The following PNPLA4 variants were observed in gnomAD, a reference collection of about 807,000 sequenced individuals.
PNPLA4 encodes patatin like domain 4, phospholipase and triacylglycerol lipase, also known as patatin-like phospholipase domain-containing protein 4.
A neutral mutation model predicts 18.3 loss-of-function variants in PNPLA4; 15 were observed. The ratio of observed to expected loss-of-function variants is 0.82; its 90% confidence interval spans 0.55 to 1.26. The LOEUF (loss-of-function observed/expected upper bound fraction) is 1.26, where lower values mean the gene tolerates loss of function less well. Among genes scored for constraint, PNPLA4 ranks in the 50% most tolerant of loss-of-function variants. The pLI, the probability that PNPLA4 is intolerant of heterozygous loss-of-function variation, is 0.00. For missense variants in PNPLA4, 229 were observed against 196.8 expected, an observed-to-expected ratio of 1.16 and a Z score of -0.98; for synonymous variants, 88 against 85.6, an observed-to-expected ratio of 1.03 and a Z score of -0.16.
intron 4 of PNPLA4, among the ~76,000 whole-genome samples, chrX:7,914,452 C>A: frequency 9.0e-6 from 1 of 111,729 alleles, no homozygotes; most frequent in East Asian, 2.8e-4. Context: ...ACTGCATTCA[C>A]CCTAACTAAA....
At chrX:7,901,689 G>A (rs1228272971) in intron 6 of PNPLA4, among the ~76,000 whole-genome samples, 2 of 111,918 alleles carry the variant, frequency 1.8e-5, no homozygotes, top group African/African-American at 3.2e-5. Flanking sequence ...ATGGGTGGGC[G>A]TGGTGCATGT....
chrX:7,910,406 C>A (rs1005737374), intron 5 of PNPLA4, among the ~76,000 whole-genome samples: 5 of 110,599 alleles, frequency 4.5e-5, no homozygotes, highest in Admixed American at 9.7e-5. Flanking sequence ...GCTGGGCCCT[C>A]AAGGTGAGTG....
At chrX:7,914,402 C>T (rs1299601583) in intron 4 of PNPLA4, among the ~76,000 whole-genome samples, 2 of 111,753 alleles carry the variant, frequency 1.8e-5, no homozygotes, top group Non-Finnish European at 3.8e-5. Context: ...GTAGCAATGA[C>T]ATCATTGGCT....
rs761768737 is a variant in PNPLA4 at position 7,912,113 on chromosome X, A to C, written c.412-20T>G. 3.5e-6 allele frequency: 4 copies of C among 1,144,575 alleles called. No homozygotes were observed. The highest frequency in any genetic ancestry group is 1.8e-5 in the South Asian group (1 of 55,330). 94.3% of individuals were successfully genotyped at this position (1,144,575 alleles called of 1,213,427 possible). On this transcript the variant is annotated intron_variant, in intron 4 of 6. Transcript: ENST00000381042. ...GAGGACCTAGATGGATAAAATAAAG[A>C]AGCAGCTCATGATTACAGGCATGAA... is the stretch of plus-strand genomic sequence containing the variant.
chrX:7,908,271 C>T lies in PNPLA4; in HGVS notation c.477+3757G>A, dbSNP rs1006699375. 5.4e-5 allele frequency among the ~76,000 whole-genome samples: 6 copies of T among 111,323 alleles called. No homozygotes were observed. In the East Asian group the frequency reaches 8.5e-4, roughly 16 times the overall value. On this transcript the variant is annotated intron_variant, in intron 5 of 6. Transcript: ENST00000381042. Reference sequence around the variant, plus strand: ...GACTCAGTGCCACAAATATAAGTAACGCTAAGTCCCTTTTTCCCCTTCTGC... The same window carrying T: ...GACTCAGTGCCACAAATATAAGTAATGCTAAGTCCCTTTTTCCCCTTCTGC...
At chrX:7,922,951 C>T (rs1402003191) in intron 2 of PNPLA4, among the ~76,000 whole-genome samples, 1 of 112,214 alleles carries the variant, frequency 8.9e-6, no homozygotes, top group Non-Finnish European at 1.9e-5. Context: ...AGAGCCCCCA[C>T]AAGGGTGTGT....
At chrX:7,903,893 G>GTGTATA (rs1198620234) in intron 5 of PNPLA4, among the ~76,000 whole-genome samples, 1 of 111,082 alleles carries the variant, frequency 9.0e-6, no homozygotes, top group Non-Finnish European at 1.9e-5. Context: ...ATATGTGTAT[G>GTGTATA]TGTATATGCA....
At chrX:7,920,665 A>G (rs1035559975) in intron 4 of PNPLA4, among the ~76,000 whole-genome samples, 3 of 112,347 alleles carry the variant, frequency 2.7e-5, no homozygotes, top group African/African-American at 9.7e-5. Flanking sequence ...GGGAAAAACA[A>G]GAAAAAATTC....
intron 4 of PNPLA4, among the ~76,000 whole-genome samples, chrX:7,919,028 T>C (rs1159893536): frequency 7.1e-5 from 8 of 112,477 alleles, no homozygotes; most frequent in African/African-American, 2.6e-4. Flanking sequence ...GGAATGTTTC[T>C]TGTAGAACCT....
intron 2 of PNPLA4, among the ~76,000 whole-genome samples, chrX:7,922,905 A>G (rs1179133): frequency 0.099 from 11,078 of 112,043 alleles, 458 homozygotes; most frequent in Admixed American, 0.16. Flanking sequence ...CATGAGAGTC[A>G]TAAGTGCCTC....
intron 4 of PNPLA4, among the ~76,000 whole-genome samples, chrX:7,921,029 G>A (rs1388661535): frequency 7.1e-5 from 8 of 111,976 alleles, no homozygotes; most frequent in East Asian, 2.8e-4. Context: ...CAGCACTTTG[G>A]GGGGCTGAGG....
chrX:7,914,139 C>A (rs769172490), intron 4 of PNPLA4, among the ~76,000 whole-genome samples: 1 of 112,177 alleles, frequency 8.9e-6, no homozygotes. Context: ...AATAACCTCA[C>A]GCAAGGTCTG....
rs1923477263 is a variant in PNPLA4, at chrX:7,899,959, T to C, written c.*727A>G. 9.0e-6 allele frequency: 1 copy of C among 111,704 alleles called. No homozygotes were observed. Among genetic ancestry groups the C allele is most frequent in the South Asian group, 3.8e-4 (1 of 2,661 alleles). 9.2% of individuals were successfully genotyped at this position (111,704 alleles called of 1,213,427 possible). A position where few individuals can be genotyped will look rare whatever the true frequency, so the allele number is the denominator to read the frequency against. On this transcript the variant is annotated 3_prime_UTR_variant, in exon 7 of 7. Transcript: ENST00000381042. ...GAATCATGGAGGCAGGTCTTTCCCA[T>C]GCTATTCTCATGATAGTGAACGAGT...
intron 4 of PNPLA4, among the ~76,000 whole-genome samples, chrX:7,916,839 C>T (rs1179136): frequency 0.099 from 10,995 of 111,552 alleles, 456 homozygotes; most frequent in Admixed American, 0.16. Context: ...GAAATAAAGA[C>T]ATGATTTTGG....
Position 7,899,665 on chromosome X carries a change from GAGAGAGAGAGAGAGAA to G in PNPLA4, c.*1005_*1020del. On this transcript the variant is annotated 3_prime_UTR_variant, in exon 7 of 7. Transcript: ENST00000381042. Reference sequence around the variant, plus strand: ...AGAGAGAGAGAGAGAGAGAGAGAGAGAGAGAGAGAGAGAGAATGAATGACAACCAGCTTGATAATCT... The same window carrying G: ...AGAGAGAGAGAGAGAGAGAGAGAGAGTGAATGACAACCAGCTTGATAATCT... 1 of 103,243 alleles carries G rather than the reference GAGAGAGAGAGAGAGAA, an allele frequency of 9.7e-6. No homozygotes were observed. Among genetic ancestry groups the G allele is most frequent in the Non-Finnish European group, 2.0e-5 (1 of 50,305 alleles). The allele number at this position is 103,243 out of a possible 1,213,427, so 8.5% of individuals were successfully genotyped here.
intron 4 of PNPLA4, among the ~76,000 whole-genome samples, chrX:7,913,271 T>C (rs956228951): frequency 3.6e-5 from 4 of 112,091 alleles, no homozygotes; most frequent in Admixed American, 2.8e-4. Context: ...TCTCCTGGTA[T>C]GTCCAGCCCT....
intron 2 of PNPLA4, among the ~76,000 whole-genome samples, chrX:7,922,306 G>GT (rs1276277763): frequency 2.7e-5 from 3 of 111,887 alleles, no homozygotes; most frequent in Non-Finnish European, 5.6e-5. Context: ...ATCTTTTTTT[G>GT]TTTTTTCCTT....
intron 5 of PNPLA4, among the ~76,000 whole-genome samples, chrX:7,905,961 C>T (rs1338003628): frequency 8.9e-6 from 1 of 112,398 alleles, no homozygotes; most frequent in Non-Finnish European, 1.9e-5. Context: ...AATAAAACAT[C>T]TATTGCTATA....
chrX:7,916,236 C>T (rs1423096622), intron 4 of PNPLA4, among the ~76,000 whole-genome samples: 2 of 111,669 alleles, frequency 1.8e-5, no homozygotes, highest in African/African-American at 6.5e-5. Flanking sequence ...CCTAGGGGCT[C>T]ACCTCCCTAG....
Sources: gnomAD v4.1 joint callset for allele counts (sites outside exome capture counted in the v4.1 genomes callset) on GRCh38, gnomAD v4.1.1 for gene constraint, MANE v1.5 for transcripts, NCBI Gene and HGNC (gene_info 2026-07-23, HGNC 2026-07-21) for gene names.